The following SNX29 variants were observed in gnomAD, a reference collection of about 807,000 sequenced individuals.
SNX29 encodes sorting nexin-29.
SNX29 carries 78 observed loss-of-function variants against 102.1 expected under a neutral mutation model. The observed-to-expected ratio is 0.76, with a 90% CI of 0.64 to 0.92. SNX29 has a LOEUF of 0.92. SNX29 is among the 40% of genes least tolerant of loss of function. The pLI is 0.00. For missense variants in SNX29, 1,280 were observed against 1,061.7 expected, an observed-to-expected ratio of 1.21 and a Z score of -2.86; for synonymous variants, 580 against 414.5, an observed-to-expected ratio of 1.40 and a Z score of -4.85.
chr16:12,531,177 C>G (rs1224058883), intron 20 of SNX29, among the ~76,000 whole-genome samples: 2 of 152,190 alleles, frequency 1.3e-5, no homozygotes, highest in African/African-American at 4.8e-5. Flanking sequence ...GCCACTCTTC[C>G]CAGGTGTGCA....
intron 14 of SNX29, among the ~76,000 whole-genome samples, chr16:12,209,447 C>T (rs2077126995): frequency 6.6e-6 from 1 of 152,218 alleles, no homozygotes; most frequent in South Asian, 2.1e-4. Flanking sequence ...ACCTTGGCCT[C>T]CCAAAGTGCT....
intron 11 of SNX29, chr16:12,087,845 G>T (rs11648228): frequency 0.21 from 96,441 of 456,722 alleles, 10,655 homozygotes; most frequent in Admixed American, 0.28. Context: ...CCTGGTTGAC[G>T]TGGCTGGGAA....
At chr16:12,189,578 C>A (rs2076593139) in intron 13 of SNX29, among the ~76,000 whole-genome samples, 1 of 152,084 alleles carries the variant, frequency 6.6e-6, no homozygotes, top group South Asian at 2.1e-4. Context: ...TAACTTTGAT[C>A]CTCTGATTAA....
intron 13 of SNX29, among the ~76,000 whole-genome samples, chr16:12,147,105 A>G (rs748089895): frequency 2.0e-5 from 3 of 152,248 alleles, no homozygotes; most frequent in Non-Finnish European, 4.4e-5. Flanking sequence ...GCAGCAAGGT[A>G]TATTTGCATG....
At chr16:12,346,070 A>G (rs1009467124) in intron 15 of SNX29, among the ~76,000 whole-genome samples, 3 of 148,654 alleles carry the variant, frequency 2.0e-5, no homozygotes, top group Admixed American at 6.8e-5. Flanking sequence ...TAGTTTGTAA[A>G]TGTTATTGAA....
intron 14 of SNX29, among the ~76,000 whole-genome samples, chr16:12,200,631 T>G (rs1466407454): frequency 6.6e-6 from 1 of 152,116 alleles, no homozygotes; most frequent in Non-Finnish European, 1.5e-5. Context: ...TACAGGTATC[T>G]GCCACCATGC....
chr16:12,283,486 A>G (rs1245426713), intron 15 of SNX29, among the ~76,000 whole-genome samples: 2 of 151,874 alleles, frequency 1.3e-5, no homozygotes, highest in Non-Finnish European at 2.9e-5. Flanking sequence ...TGCCCAGCTA[A>G]TTTTTGTATT....
chr16:12,407,941 G>A (rs2084233432), intron 18 of SNX29, among the ~76,000 whole-genome samples: 1 of 152,152 alleles, frequency 6.6e-6, no homozygotes, highest in Non-Finnish European at 1.5e-5. Flanking sequence ...GATTGCATCT[G>A]TGAATAGCCC....
chr16:12,074,346 C>A (rs1241670819), intron 10 of SNX29, among the ~76,000 whole-genome samples: 2 of 151,968 alleles, frequency 1.3e-5, no homozygotes, highest in Admixed American at 6.6e-5. Flanking sequence ...CCTTCAGGAG[C>A]TCTTTTAGGG....
At chr16:12,244,049 TGCTCAGCCTA>T (rs1447510164) in intron 14 of SNX29, among the ~76,000 whole-genome samples, 1 of 151,940 alleles carries the variant, frequency 6.6e-6, no homozygotes, top group African/African-American at 2.4e-5. Context: ...TCACAAGGAG[TGCTCAGCCTA>T]GATCCCATGG....
At chr16:12,308,415 C>A (rs928945484) in intron 15 of SNX29, among the ~76,000 whole-genome samples, 1 of 152,174 alleles carries the variant, frequency 6.6e-6, no homozygotes, top group Non-Finnish European at 1.5e-5. Context: ...CAGGGATCAA[C>A]CTCTTAGTAG....
chr16:12,042,122 C>G (rs1191854949), intron 4 of SNX29, among the ~76,000 whole-genome samples: 2 of 152,168 alleles, frequency 1.3e-5, no homozygotes, highest in Non-Finnish European at 2.9e-5. Flanking sequence ...CCTCCGCCTC[C>G]TGGGTTTAAG....
intron 14 of SNX29, among the ~76,000 whole-genome samples, chr16:12,258,879 C>T (rs1245233490): frequency 2.0e-5 from 3 of 152,108 alleles, no homozygotes; most frequent in African/African-American, 7.2e-5. Flanking sequence ...TTCCAGCCTC[C>T]CTTGGGAAAT....
At chr16:12,542,290 G>A (rs1301568320) in intron 20 of SNX29, among the ~76,000 whole-genome samples, 1 of 152,100 alleles carries the variant, frequency 6.6e-6, no homozygotes, top group Non-Finnish European at 1.5e-5. Context: ...GGAGGAACTT[G>A]CCCAAGATCA....
intron 19 of SNX29, among the ~76,000 whole-genome samples, chr16:12,522,713 G>T (rs2090146214): frequency 2.0e-5 from 3 of 152,082 alleles, no homozygotes; most frequent in Admixed American, 2.0e-4. Context: ...AGTTACTGAG[G>T]CATCCCCCAC....
chr16:12,061,707 GAA>G, intron 9 of SNX29, 61 bp downstream of exon 9: 1 of 1,429,086 alleles, frequency 7.0e-7, no homozygotes, highest in South Asian at 1.2e-5. Flanking sequence ...GAACCAGCAG[GAA>G]TGTCTGAGTT....
chr16:12,409,192 G>C (rs2084293632), intron 18 of SNX29, among the ~76,000 whole-genome samples: 1 of 152,154 alleles, frequency 6.6e-6, no homozygotes, highest in Non-Finnish European at 1.5e-5. Flanking sequence ...GAGACAAAAT[G>C]ATTAAGGAGT....
intron 13 of SNX29, among the ~76,000 whole-genome samples, chr16:12,130,862 CT>C (rs1329941201): frequency 1.3e-5 from 2 of 152,006 alleles, no homozygotes; most frequent in Non-Finnish European, 2.9e-5. Flanking sequence ...CTGACATTTC[CT>C]TGTCTGACTG....
At chr16:12,020,127 C>CT (rs879703434) in intron 3 of SNX29, among the ~76,000 whole-genome samples, 1,986 of 144,936 alleles carry the variant, frequency 0.014, 40 homozygotes, top group African/African-American at 0.045. Flanking sequence ...AGTTTCTAAA[C>CT]TTTTTTTTTT....
Sources: allele counts gnomAD v4.1 joint callset (sites outside exome capture counted in the v4.1 genomes callset), GRCh38; gene constraint gnomAD v4.1.1; transcripts MANE v1.5; gene names NCBI Gene and HGNC (gene_info 2026-07-23, HGNC 2026-07-21).